The following GLDN variants were observed in gnomAD, a reference collection of about 807,000 sequenced individuals.
GLDN encodes collomin.
In GLDN, 47 loss-of-function variants were observed where a neutral mutation model predicts 56.5. The ratio of observed to expected loss-of-function variants is 0.83; its 90% confidence interval spans 0.66 to 1.06. The LOEUF (loss-of-function observed/expected upper bound fraction) is 1.06. Among genes scored for constraint, GLDN ranks in the 50% least tolerant of loss-of-function variants. The pLI is 0.00. For synonymous variants in GLDN, 332 were observed against 278.8 expected (o/e 1.19, Z -1.90); for missense variants, 782 against 714.3 (o/e 1.09, Z -1.08).
In GLDN at chr15:51,404,340, A is replaced by C; in HGVS notation, c.1242A>C (p.Arg414=). Reference sequence around the variant, plus strand: ...TTGAAAATGCCTTGTATTTTGATCGAAAATACCTTTTTGCAAATTCCAAAA... The same window carrying C: ...TTGAAAATGCCTTGTATTTTGATCGCAAATACCTTTTTGCAAATTCCAAAA... ...LKLENALYFD[R]KYLFANSKTY... The change falls in exon 10 of 10, where the codon CGA becomes CGC. Residue 414 remains arginine (R), a synonymous_variant. Transcript: ENST00000335449. 6.2e-7 allele frequency: 1 copy of C among 1,613,456 alleles called. No individual in the cohort carries two copies. The highest frequency in any genetic ancestry group is 8.5e-7 in the Non-Finnish European group (1 of 1,179,884).
intron 1 of GLDN, among the ~76,000 whole-genome samples, chr15:51,343,506 C>G (rs947281887): frequency 2.0e-5 from 3 of 152,164 alleles, no homozygotes; most frequent in Non-Finnish European, 4.4e-5. Context: ...CTTTCGTATC[C>G]GAATTGCAAC....
At chr15:51,390,547 C>T (rs1268921216) in intron 4 of GLDN, among the ~76,000 whole-genome samples, 1 of 152,182 alleles carries the variant, frequency 6.6e-6, no homozygotes, top group Non-Finnish European at 1.5e-5. Context: ...AAGTGAAATT[C>T]TTATAAAAAC....
At chr15:51,382,674 C>T (rs1354100223) in intron 2 of GLDN, among the ~76,000 whole-genome samples, 26 of 149,122 alleles carry the variant, frequency 1.7e-4, no homozygotes, top group Middle Eastern at 7.0e-3. Flanking sequence ...TGCAGTGAGC[C>T]GAGATGGTGC....
At chr15:51,356,072 T>G (rs981497042) in intron 1 of GLDN, among the ~76,000 whole-genome samples, 2 of 151,302 alleles carry the variant, frequency 1.3e-5, no homozygotes, top group African/African-American at 4.9e-5. Context: ...CCGGGCGTGG[T>G]GGTGCGTGCC....
At chr15:51,375,998 A>T (rs1329809976) in intron 1 of GLDN, among the ~76,000 whole-genome samples, 1 of 152,200 alleles carries the variant, frequency 6.6e-6, no homozygotes, top group African/African-American at 2.4e-5. Context: ...ATTCCATAGA[A>T]ATTCAAGGAA....
rs201960663 is a variant in GLDN at position 51,342,006 on chromosome 15, A to T, written c.322A>T (p.Ser108Cys). 1.2e-4 allele frequency: 196 copies of T among 1,597,674 alleles called. 2 individuals carry two copies. The East Asian group carries it at 4.3e-3, about 35-fold the overall frequency. Reference sequence around the variant, plus strand: ...GCCCGCGCCGCATATCCGCGCCGAGAGCCATGACATGCTGATGATGATGAC... The same window carrying T: ...GCCCGCGCCGCATATCCGCGCCGAGTGCCATGACATGCTGATGATGATGAC... ...GEPAPHIRAE[S>C]HDMLMMMTYS... The change falls in exon 1 of 10, where the codon AGC becomes TGC. Residue 108 changes from serine (S) to cysteine (C), a missense_variant. Transcript: ENST00000335449.
intron 1 of GLDN, among the ~76,000 whole-genome samples, chr15:51,361,672 C>G (rs1044279431): frequency 3.1e-4 from 47 of 152,154 alleles, no homozygotes; most frequent in African/African-American, 1.0e-3. Context: ...TATATATATC[C>G]CTGTTCTCTT....
chr15:51,355,947 C>T (rs372311085), intron 1 of GLDN, among the ~76,000 whole-genome samples: 32 of 151,042 alleles, frequency 2.1e-4, no homozygotes, highest in African/African-American at 5.3e-4. Flanking sequence ...GTGGCTCACG[C>T]CTGTAATCCC....
intron 2 of GLDN, among the ~76,000 whole-genome samples, chr15:51,379,353 G>A (rs866108731): frequency 4.5e-4 from 68 of 152,330 alleles, no homozygotes; most frequent in African/African-American, 1.6e-3. Flanking sequence ...CATCCTCTTC[G>A]TGTGTATCTG....
At chr15:51,394,778 T>C (rs2038088907) in intron 4 of GLDN, 57 bp from the exon 5 acceptor site, 4 of 1,584,842 alleles carry the variant, frequency 2.5e-6, no homozygotes, top group Non-Finnish European at 3.5e-6. Flanking sequence ...TAATATAAAG[T>C]GGTGTGCCAG....
rs2036937287 is a variant in GLDN, at chr15:51,344,222, AT to A, written c.363+2178del. Among the ~76,000 whole-genome samples, 3 of 152,124 alleles carry A rather than the reference AT, an allele frequency of 2.0e-5. No individual in the cohort carries two copies. In the South Asian group the frequency reaches 6.2e-4, roughly 32 times the overall value. ...TCCCATCCCCAGAGATTCTGAATTA[AT>A]TTGTTAGGCCACAGCCTGGGGATGG... On this transcript the variant is annotated intron_variant, in intron 1 of 9. Coordinates refer to ENST00000335449, the MANE Select transcript of GLDN (RefSeq NM_181789.4).
chr15:51,396,212 G>T (rs2038125283), intron 5 of GLDN, among the ~76,000 whole-genome samples: 2 of 152,204 alleles, frequency 1.3e-5, no homozygotes, highest in South Asian at 4.1e-4. Flanking sequence ...TCCGTGGGAT[G>T]GGCCAGGGGC....
chr15:51,385,831 A>G (rs2445741), intron 4 of GLDN, among the ~76,000 whole-genome samples: 38,949 of 152,146 alleles, frequency 0.26, 5,364 homozygotes, highest in Admixed American at 0.33. Context: ...AGGGATGAGT[A>G]GCTAACCTAG....
In GLDN at chr15:51,353,734, A is replaced by AAAAAAAAAAAAAAAAAAAAAAAAC. The variant is rs60404846; in HGVS notation, c.363+11687_363+11688insAAAAAAAAAAAAAAAAAAAAAAAC. Among the ~76,000 whole-genome samples the AAAAAAAAAAAAAAAAAAAAAAAAC allele has an allele frequency of 3.9e-5, 5 of 128,880 alleles. 1 individual carries two copies. The highest frequency in any genetic ancestry group is 8.1e-5 in the Non-Finnish European group (5 of 61,784). 84.6% of individuals were successfully genotyped at this position (128,880 alleles called of 152,430 possible). On this transcript the variant is annotated intron_variant, in intron 1 of 9. Coordinates refer to ENST00000335449, the MANE Select transcript of GLDN (RefSeq NM_181789.4). ...TTGATTAAAAAAAAAAAAAAAAAAA[A>AAAAAAAAAAAAAAAAAAAAAAAAC]CCACAGTCAATTAAAAAAAAAAAAA...
chr15:51,360,542 G>A (rs545126699), intron 1 of GLDN: 1 of 152,456 alleles, frequency 6.6e-6, no homozygotes, highest in African/African-American at 2.4e-5. Context: ...CCCCAGGTAA[G>A]TTTAACCATT....
At chr15:51,342,203 C>A in intron 1 of GLDN, 156 bp downstream of exon 1, 1 of 861,464 alleles carries the variant, frequency 1.2e-6, no homozygotes, top group Non-Finnish European at 1.8e-6. Context: ...CCTTGGCAAG[C>A]ACCTCAACCC....
rs1472985416 is a variant in GLDN, at chr15:51,406,040, C to G, written c.*1286C>G. The G allele has an allele frequency of 6.6e-6, 1 of 152,102 alleles. No individual in the cohort carries two copies. Among genetic ancestry groups the G allele is most frequent in the African/African-American group, 2.4e-5 (1 of 41,424 alleles). 9.4% of individuals were successfully genotyped at this position (152,102 alleles called of 1,614,324 possible). Reference sequence around the variant, plus strand: ...TTCTTGAAAAAATCAGAACCAGAGCCTGTTTTGTTTTGTTCTAAACTAAGA... The same window carrying G: ...TTCTTGAAAAAATCAGAACCAGAGCGTGTTTTGTTTTGTTCTAAACTAAGA... On this transcript the variant is annotated 3_prime_UTR_variant, in exon 10 of 10. Transcript: ENST00000335449.
chr15:51,381,600 C>T (rs949992706), intron 2 of GLDN, among the ~76,000 whole-genome samples: 9 of 152,078 alleles, frequency 5.9e-5, no homozygotes, highest in Non-Finnish European at 1.0e-4. Flanking sequence ...ATTGCAGGCC[C>T]CCTGTTATCT....
intron 1 of GLDN, among the ~76,000 whole-genome samples, chr15:51,370,830 A>G (rs749920551): frequency 6.6e-6 from 1 of 152,050 alleles, no homozygotes; most frequent in African/African-American, 2.4e-5. Flanking sequence ...CATCTCTACT[A>G]AAAATACAAA....
Sources: gnomAD v4.1 joint callset for allele counts (sites outside exome capture counted in the v4.1 genomes callset) on GRCh38, gnomAD v4.1.1 for gene constraint, MANE v1.5 for transcripts, NCBI Gene and HGNC (gene_info 2026-07-23, HGNC 2026-07-21) for gene names.